EXOC2: variants seen among roughly 807,000 people sequenced by gnomAD.
EXOC2 encodes exocyst complex component 2.
Under a neutral mutation model 131.8 loss-of-function variants are expected in EXOC2, and 70 were observed. The ratio of observed to expected loss-of-function variants is 0.53; its 90% CI spans 0.44 to 0.65. The LOEUF (loss-of-function observed/expected upper bound fraction) is 0.65. Ranked by LOEUF, EXOC2 falls within the 30% of genes least tolerant of loss-of-function variation. EXOC2 has a pLI of 0.00. For missense variants in EXOC2, 923 were observed against 1,108.6 expected, an observed-to-expected ratio of 0.83 and a Z score of 2.38; for synonymous variants, 411 against 398.4, an observed-to-expected ratio of 1.03 and a Z score of -0.38.
intron 23 of EXOC2, among the ~76,000 whole-genome samples, chr6:503,788 T>C (rs565232169): frequency 6.6e-6 from 1 of 152,270 alleles, no homozygotes; most frequent in African/African-American, 2.4e-5. Flanking sequence ...AGAATTTCGC[T>C]TCCTTTCTCT....
rs563812674 is a variant in EXOC2, at chr6:654,920, ACT to A, written c.-43-17061_-43-17060del. On this transcript the variant is annotated intron_variant, in intron 1 of 27. Coordinates refer to ENST00000230449, the MANE Select transcript of EXOC2 (RefSeq NM_018303.6). Reference sequence around the variant, plus strand: ...TTCTTATACATAAGCAAAGAAAGTGACTTTTTTGAGATAGAATCTACTCCTGG... The same window carrying A: ...TTCTTATACATAAGCAAAGAAAGTGATTTTTGAGATAGAATCTACTCCTGG... Among the ~76,000 whole-genome samples the A allele has an allele frequency of 4.6e-5, 7 of 151,502 alleles. No individual in the cohort carries two copies. The South Asian group carries it at 1.5e-3, about 32-fold the overall frequency.
At chr6:670,169 C>T (rs1190356632) in intron 1 of EXOC2, 1 of 152,206 alleles carries the variant, frequency 6.6e-6, no homozygotes, top group African/African-American at 2.4e-5. Flanking sequence ...AGCACTGACA[C>T]AGAAGTTATC....
At chr6:683,109 T>C (rs900841511) in intron 1 of EXOC2, among the ~76,000 whole-genome samples, 1 of 152,032 alleles carries the variant, frequency 6.6e-6, no homozygotes, top group Non-Finnish European at 1.5e-5. Flanking sequence ...GAGTAGCAAA[T>C]AAAGCAGCAG....
intron 1 of EXOC2, among the ~76,000 whole-genome samples, chr6:646,213 TTATAA>T (rs1561965984): frequency 1.3e-5 from 2 of 152,210 alleles, no homozygotes; most frequent in South Asian, 2.1e-4. Context: ...GGTAACTGTA[TTATAA>T]TATAAGAGAA....
chr6:648,708 T>TAA (rs1161113925), intron 1 of EXOC2, among the ~76,000 whole-genome samples: 6 of 141,914 alleles, frequency 4.2e-5, no homozygotes, highest in African/African-American at 1.6e-4. Flanking sequence ...CACAAACTTT[T>TAA]AAAAACTCTT....
At position 556,524 on chromosome 6, in the gene EXOC2, G is replaced by A. The variant is rs1432307213; in HGVS notation, c.1892C>T (p.Ser631Leu). 6.2e-7 allele frequency: 1 copy of A among 1,614,144 alleles called. No homozygotes were observed. The highest frequency in any genetic ancestry group is 1.7e-5 in the Admixed American group (1 of 60,020). Residue 631 changes from serine to leucine, a missense_variant, in exon 18 of 28, where the codon TCA becomes TTA. Physicochemically the swap from Ser to Leu is moderately radical, Grantham distance 145. Transcript: ENST00000230449. ...FEQCIVCSLQ[S>L]LKGVLECKPG... ...CTTGCACTCCAGAACCCCCTTCAGT[G>A]ACTGCAGAGAACACACGATGCACTG...
chr6:545,929 A>G (rs1425585709), intron 22 of EXOC2, among the ~76,000 whole-genome samples: 1 of 152,250 alleles, frequency 6.6e-6, no homozygotes, highest in Non-Finnish European at 1.5e-5. Context: ...TACTCATGAT[A>G]GAATATATTC....
chr6:490,068 CCT>C (rs1246262831), intron 26 of EXOC2, among the ~76,000 whole-genome samples: 1 of 152,124 alleles, frequency 6.6e-6, no homozygotes, highest in Non-Finnish European at 1.5e-5. Context: ...TTCTTATGAA[CCT>C]CTTTTTGATT....
intron 6 of EXOC2, among the ~76,000 whole-genome samples, chr6:610,447 A>G (rs546537264): frequency 1.3e-5 from 2 of 152,146 alleles, no homozygotes; most frequent in East Asian, 3.8e-4. Context: ...AAGAAAAGGG[A>G]GACTTGAGGC....
intron 4 of EXOC2, among the ~76,000 whole-genome samples, chr6:625,333 G>T (rs140153750): frequency 6.6e-6 from 1 of 152,220 alleles, no homozygotes; most frequent in South Asian, 2.1e-4. Context: ...GTGTTATTCC[G>T]CGCTTGCGGC....
At chr6:496,910 C>T (rs1763775487) in intron 25 of EXOC2, among the ~76,000 whole-genome samples, 1 of 152,120 alleles carries the variant, frequency 6.6e-6, no homozygotes, top group Non-Finnish European at 1.5e-5. Flanking sequence ...TAGCAACTAC[C>T]AGCTGGTTAT....
chr6:581,120 C>T (rs1004337087), intron 11 of EXOC2, among the ~76,000 whole-genome samples: 1 of 151,672 alleles, frequency 6.6e-6, no homozygotes, highest in Admixed American at 6.6e-5. Flanking sequence ...ATGGTGAAAC[C>T]CCCATCTCCA....
At chr6:677,647 T>G (rs536039153) in intron 1 of EXOC2, among the ~76,000 whole-genome samples, 1 of 152,158 alleles carries the variant, frequency 6.6e-6, no homozygotes, top group Non-Finnish European at 1.5e-5. Flanking sequence ...TTTTGTATTT[T>G]TAGTAGAGAT....
chr6:585,191 G>A (rs1269254632), intron 11 of EXOC2, among the ~76,000 whole-genome samples: 1 of 152,196 alleles, frequency 6.6e-6, no homozygotes, highest in Admixed American at 6.5e-5. Flanking sequence ...TCTTCCATCA[G>A]TATTTAGAAG....
intron 1 of EXOC2, chr6:670,290 C>A (rs1763805858): frequency 6.6e-6 from 1 of 152,212 alleles, no homozygotes; most frequent in African/African-American, 2.4e-5. Context: ...TGTGCAGGAT[C>A]CCCTTCTGGT....
chr6:526,823 C>T (rs1045713416), intron 23 of EXOC2, among the ~76,000 whole-genome samples: 4 of 152,120 alleles, frequency 2.6e-5, no homozygotes, highest in African/African-American at 7.2e-5. Flanking sequence ...GATTTGAACT[C>T]GGAACCCCTA....
At position 564,653 on chromosome 6, in the gene EXOC2, G is replaced by T. The variant is rs1482507121; in HGVS notation, c.1559C>A (p.Ala520Asp). ...MHSLVKLTRG[A>D]LLPLSIRDGE... Reference sequence around the variant, plus strand: ...ATCCCGGATGCTGAGGGGAAGCAGGGCTCCGCGGGTAAGCTTCACCAGGGA... The same window carrying T: ...ATCCCGGATGCTGAGGGGAAGCAGGTCTCCGCGGGTAAGCTTCACCAGGGA... Residue 520 changes from alanine to aspartate, a missense_variant, in exon 15 of 28, where the codon GCC (alanine) becomes GAC (aspartate). Physicochemically the swap from Ala to Asp is moderately radical, Grantham distance 126 (BLOSUM62 -2). Coordinates refer to ENST00000230449, the MANE Select transcript of EXOC2 (RefSeq NM_018303.6). 6.2e-7 allele frequency: 1 copy of T among 1,609,604 alleles called. No individual in the cohort carries two copies. The highest frequency in any genetic ancestry group is 1.7e-5 in the Admixed American group (1 of 59,120).
chr6:543,328 G>A (rs899468277), intron 22 of EXOC2, among the ~76,000 whole-genome samples: 3 of 152,198 alleles, frequency 2.0e-5, no homozygotes, highest in African/African-American at 7.2e-5. Flanking sequence ...GGATGGTACT[G>A]GAGGACCTTA....
chr6:661,435 ACAG>A (rs1188334988), intron 1 of EXOC2, among the ~76,000 whole-genome samples: 5 of 152,250 alleles, frequency 3.3e-5, no homozygotes, highest in Non-Finnish European at 5.9e-5. Context: ...TATCAGATTA[ACAG>A]CAGATTTCTC....
Sources: allele counts gnomAD v4.1 joint callset (sites outside exome capture counted in the v4.1 genomes callset), GRCh38; gene constraint gnomAD v4.1.1; transcripts MANE v1.5; gene names NCBI Gene and HGNC (gene_info 2026-07-23, HGNC 2026-07-21).